The following SLC2A11 variants were observed in gnomAD, a reference collection of about 807,000 sequenced individuals.
SLC2A11 encodes solute carrier family 2 member 11.
A neutral mutation model predicts 52.1 loss-of-function variants in SLC2A11; 43 were observed. The observed-to-expected ratio is 0.82, with a 90% CI of 0.65 to 1.06. The LOEUF (loss-of-function observed/expected upper bound fraction) is 1.06. Among genes scored for constraint, SLC2A11 ranks in the 50% least tolerant of loss-of-function variants. The pLI, the probability that SLC2A11 is intolerant of heterozygous loss-of-function variation, is 0.00. For missense variants in SLC2A11, 582 were observed against 654.2 expected, an observed-to-expected ratio of 0.89 and a Z score of 1.20; for synonymous variants, 261 against 277.6, an observed-to-expected ratio of 0.94 and a Z score of 0.59.
At position 23,884,440 on chromosome 22, in the gene SLC2A11, C is replaced by T; in HGVS notation, c.1299+11C>T. 1 of 1,611,498 alleles carries T rather than the reference C, an allele frequency of 6.2e-7. No homozygotes were observed. Among genetic ancestry groups the T allele is most frequent in the Non-Finnish European group, 8.5e-7 (1 of 1,178,554 alleles). On this transcript the variant is annotated intron_variant, in intron 11 of 11. Transcript: ENST00000316185. This position sits in a 1 kb window ranked among gnomAD's most constrained non-coding sequence, Gnocchi z 4.3. ...TTTCCCTTTATCATGGTAGGCCCGC[C>T]CCTCCCGCTGGGGGCCCTGCCTTAG...
At chr22:23,857,844 T>A, upstream of SLC2A11, 1 of 1,505,394 alleles carries the variant, frequency 6.6e-7, no homozygotes, top group Admixed American at 2.1e-5. Context: ...GGTTTGCTCC[T>A]CTCAAACGCT....
intron 4 of SLC2A11, among the ~76,000 whole-genome samples, chr22:23,875,511 T>C (rs899053278): frequency 1.1e-4 from 17 of 152,190 alleles, no homozygotes; most frequent in African/African-American, 4.1e-4. Context: ...ACAGGTCCCA[T>C]GTTTGAGTAA....
At chr22:23,875,954 G>A (rs572720848) in intron 4 of SLC2A11, among the ~76,000 whole-genome samples, 1 of 152,128 alleles carries the variant, frequency 6.6e-6, no homozygotes, top group African/African-American at 2.4e-5. Flanking sequence ...GGGTTGGCTG[G>A]GGCTGGAGGA....
At position 23,884,170 on chromosome 22, in the gene SLC2A11, C is replaced by A; in HGVS notation, c.1172-132C>A. 1.4e-6 allele frequency: 2 copies of A among 1,475,040 alleles called. No homozygotes were observed. Among genetic ancestry groups the A allele is most frequent in the Non-Finnish European group, 1.8e-6 (2 of 1,107,964 alleles). 91.4% of individuals were successfully genotyped at this position (1,475,040 alleles called of 1,614,324 possible). ...TGCCGGGGCTTCTGGGAGGGAATGG[C>A]AGGAGGAGAGCACTGAGGGGCCCCC... is the stretch of plus-strand genomic sequence containing the variant. On this transcript the variant is annotated intron_variant, in intron 10 of 11. Transcript: ENST00000316185. The surrounding 1 kb of genome is among the most constrained non-coding windows in gnomAD (Gnocchi z 4.3).
chr22:23,873,331 A>ATGTGTGTGTGTGTGTGTGTG (rs1568990950), intron 3 of SLC2A11: 4 of 150,128 alleles, frequency 2.7e-5, no homozygotes, highest in African/African-American at 7.5e-5. Flanking sequence ...GTGTGTGTGC[A>ATGTGTGTGTGTGTGTGTGTG]CGCGTGTGTG....
chr22:23,877,511 T>A, intron 5 of SLC2A11: 1 of 777,042 alleles, frequency 1.3e-6, no homozygotes. Flanking sequence ...GGAAGAGGAG[T>A]TGCTAGGGAT....
At chr22:23,867,364 T>TG (rs936133925) in intron 2 of SLC2A11, 1 of 163,178 alleles carries the variant, frequency 6.1e-6, no homozygotes, top group African/African-American at 2.4e-5. Context: ...TAATTTTTTT[T>TG]TTTTTGTATT....
chr22:23,865,128 A>C (rs2032214158), intron 2 of SLC2A11: 1 of 142,882 alleles, frequency 7.0e-6, no homozygotes, highest in Admixed American at 7.0e-5. Context: ...AAAAAACCAG[A>C]AAACAAAACT....
rs1442105211 is a variant in SLC2A11 at position 23,857,878 on chromosome 22, T to A, written c.-122T>A. On this transcript the variant is annotated 5_prime_UTR_variant, in exon 1 of 12. Coordinates refer to ENST00000316185, the MANE Select transcript of SLC2A11 (RefSeq NM_001024939.4). ...CTCACTGCGCGTGCGCTAGCGCCTCTTTCACCACTGGGCGCTGCGCGCTGC... is the reference window on the plus strand; with the variant it reads ...CTCACTGCGCGTGCGCTAGCGCCTCATTCACCACTGGGCGCTGCGCGCTGC... The A allele has an allele frequency of 6.5e-7, 1 of 1,548,544 alleles. No individual in the cohort carries two copies. The highest frequency in any genetic ancestry group is 8.7e-7 in the Non-Finnish European group (1 of 1,148,774).
At chr22:23,873,507 A>G in intron 3 of SLC2A11, among the ~76,000 whole-genome samples, 1 of 152,062 alleles carries the variant, frequency 6.6e-6, no homozygotes, top group East Asian at 1.9e-4. Context: ...ATGGGGTTTC[A>G]CCATGTTGGC....
At position 23,884,226 on chromosome 22, in the gene SLC2A11, A is replaced by C. The variant is rs932565290; in HGVS notation, c.1172-76A>C. The C allele has an allele frequency of 6.5e-7, 1 of 1,540,670 alleles. No homozygotes were observed. On this transcript the variant is annotated intron_variant, in intron 10 of 11. Coordinates refer to ENST00000316185, the MANE Select transcript of SLC2A11 (RefSeq NM_001024939.4). The surrounding 1 kb of genome is among the most constrained non-coding windows in gnomAD (Gnocchi z 4.3). ...AGACTGGGCCTGGGCTCCCACTCCCATGTCTGGGCTGGGGTCGGGGAGAGG... is the reference window on the plus strand; with the variant it reads ...AGACTGGGCCTGGGCTCCCACTCCCCTGTCTGGGCTGGGGTCGGGGAGAGG...
Position 23,868,465 on chromosome 22 carries a change from G to A in SLC2A11, c.130-16G>A. ...GCCACCATCCCCAGAAGGCTGACTG[G>A]CATTTCTGTCCACAGCACATTCAGG... On this transcript the variant is annotated splice_polypyrimidine_tract_variant and intron_variant, in intron 2 of 11. Coordinates refer to ENST00000316185, the MANE Select transcript of SLC2A11 (RefSeq NM_001024939.4). 1.2e-6 allele frequency: 2 copies of A among 1,613,590 alleles called. No individual in the cohort carries two copies. Among genetic ancestry groups the A allele is most frequent in the East Asian group, 2.2e-5 (1 of 44,876 alleles).
upstream of SLC2A11, chr22:23,857,683 C>T: frequency 1.8e-6 from 2 of 1,141,314 alleles, no homozygotes; most frequent in South Asian, 1.5e-5. Context: ...CTCAGGCGCC[C>T]TCCGCGACAC....
Position 23,884,354 on chromosome 22 carries a change from T to C in SLC2A11, c.1224T>C (p.Pro408=). 3 of 1,614,048 alleles carry C rather than the reference T, an allele frequency of 1.9e-6. No individual in the cohort carries two copies. Among genetic ancestry groups the C allele is most frequent in the African/African-American group, 1.3e-5 (1 of 75,068 alleles). The change falls in exon 11 of 12, where the codon CCT becomes CCC. Residue 408 remains proline (P), a synonymous_variant. Coordinates refer to ENST00000316185, the MANE Select transcript of SLC2A11 (RefSeq NM_001024939.4). This position sits in a 1 kb window ranked among gnomAD's most constrained non-coding sequence, Gnocchi z 4.3. ...AGCTGTTTGACCAGATGGCCAGGCC[T>C]GCTGCCTGCATGGTCTGCGGGGCGC... is the stretch of plus-strand genomic sequence containing the variant. ...ATELFDQMAR[P]AACMVCGALM... is the part of the protein sequence containing the mutation.
chr22:23,869,858 G>T, intron 3 of SLC2A11: 1 of 612,446 alleles, frequency 1.6e-6, no homozygotes, highest in Non-Finnish European at 2.9e-6. Context: ...GTCCTCACAT[G>T]GCAGAAAGGG....
upstream of SLC2A11, chr22:23,857,273 G>A (rs1187689665): frequency 1.3e-6 from 1 of 782,468 alleles, no homozygotes; most frequent in Non-Finnish European, 2.1e-6. Flanking sequence ...AGAGACTGTA[G>A]CAAAGGAGGG....
chr22:23,868,635 T>C lies in SLC2A11; in HGVS notation c.284T>C (p.Leu95Pro). Residue 95 changes from leucine to proline, a missense_variant, in exon 3 of 12, where the codon CTG (leucine) becomes CCG (proline). Coordinates refer to ENST00000316185, the MANE Select transcript of SLC2A11 (RefSeq NM_001024939.4). Reference protein sequence around the residue: ...ALLAGPLAITLGRKKSLLVNN... With the variant: ...ALLAGPLAITPGRKKSLLVNN... Reference sequence around the variant, plus strand: ...CTTGCAGGTCCCTTGGCCATCACGCTGGGAAGGTAAGTGCTTCCTGCATAC... The same window carrying C: ...CTTGCAGGTCCCTTGGCCATCACGCCGGGAAGGTAAGTGCTTCCTGCATAC... The C allele has an allele frequency of 6.2e-7, 1 of 1,614,094 alleles. No homozygotes were observed. The highest frequency in any genetic ancestry group is 1.1e-5 in the South Asian group (1 of 91,088).
chr22:23,864,084 C>T (rs1716060320), intron 2 of SLC2A11, among the ~76,000 whole-genome samples: 1 of 152,084 alleles, frequency 6.6e-6, no homozygotes, highest in South Asian at 2.1e-4. Flanking sequence ...CATGTCCACT[C>T]CCAGACCAGT....
rs1471532950 is a variant in SLC2A11 at position 23,884,406 on chromosome 22, G to A, written c.1276G>A (p.Gly426Ser). The part of the protein sequence containing the change: ...ALMWIMLILV[G>S]LGFPFIMEAL... ...CATGTGGATCATGCTCATCCTGGTCGGCCTGGGATTTCCCTTTATCATGGT... is the reference window on the plus strand; with the variant it reads ...CATGTGGATCATGCTCATCCTGGTCAGCCTGGGATTTCCCTTTATCATGGT... The change falls in exon 11 of 12, where the codon GGC becomes AGC. Residue 426 changes from glycine (G) to serine (S), a missense_variant. Transcript: ENST00000316185. This position sits in a 1 kb window ranked among gnomAD's most constrained non-coding sequence, Gnocchi z 4.3. 7.4e-6 allele frequency: 12 copies of A among 1,613,896 alleles called. No homozygotes were observed. The East Asian group carries it at 2.0e-4, about 27-fold the overall frequency.
Sources: allele counts gnomAD v4.1 joint callset (sites outside exome capture counted in the v4.1 genomes callset), GRCh38; gene constraint gnomAD v4.1.1; non-coding constraint Gnocchi (gnomAD v3.1); transcripts MANE v1.5; gene names NCBI Gene and HGNC (gene_info 2026-07-23, HGNC 2026-07-21).